LRRC37A: variants seen among roughly 807,000 people sequenced by gnomAD.
The protein encoded by LRRC37A is leucine-rich repeat-containing protein 37A.
Under a neutral mutation model 35.4 loss-of-function variants are expected in LRRC37A, and 3 were observed. The observed-to-expected ratio is 0.08, with a 90% CI of 0.04 to 0.22. The LOEUF is 0.22. Ranked by LOEUF, LRRC37A falls within the 10% of genes least tolerant of loss-of-function variation. The probability of loss-of-function intolerance (pLI) is 1.00; values close to 1 mark genes in which losing one functional copy is unlikely to be tolerated. For missense variants in LRRC37A, 67 were observed against 565.3 expected (o/e 0.12, Z 8.94); for synonymous variants, 23 against 215.0 (o/e 0.11, Z 7.81).
At chr17:46,265,973 T>G in the LRRC37A span, among the ~76,000 whole-genome samples, 1 of 152,326 alleles carries the variant, frequency 6.6e-6, no homozygotes, top group East Asian at 1.9e-4. Flanking sequence ...GGCGTATGCC[T>G]GTAATCCCAG....
the LRRC37A span, among the ~76,000 whole-genome samples, chr17:46,258,148 T>C: frequency 6.6e-6 from 1 of 152,108 alleles, no homozygotes; most frequent in Non-Finnish European, 1.5e-5. Flanking sequence ...AGTGAATGAC[T>C]AAAAAAGAGA....
At chr17:46,331,193 C>A (rs368493396) in exon 9 of LRRC37A, 15 of 731,772 alleles carry the variant, frequency 2.0e-5, no homozygotes, top group Middle Eastern at 6.0e-4. Flanking sequence ...AAAAAAATAC[C>A]GCTTTCACAA....
chr17:46,292,945 CTTTTTTTTTTTTTTT>C (rs57946759), upstream of LRRC37A: 1 of 8,642 alleles, frequency 1.2e-4, no homozygotes, highest in African/African-American at 1.7e-4. Context: ...CCATTTTTAT[CTTTTTTTTTTTTTTT>C]TTTTTTTTTT....
the LRRC37A span, among the ~76,000 whole-genome samples, chr17:46,272,732 C>G: frequency 6.6e-6 from 1 of 152,150 alleles, no homozygotes; most frequent in Non-Finnish European, 1.5e-5. Flanking sequence ...GTGTGTTTTT[C>G]AAAAATTACT....
chr17:46,281,355 C>T, the LRRC37A span, among the ~76,000 whole-genome samples: 18,249 of 145,980 alleles, frequency 0.13, 1,714 homozygotes, highest in Non-Finnish European at 0.19. Context: ...TTTAAAGTCC[C>T]GTGACTCGCA....
the LRRC37A span, among the ~76,000 whole-genome samples, chr17:46,258,983 G>T: frequency 7.0e-6 from 1 of 142,190 alleles, no homozygotes; most frequent in African/African-American, 2.7e-5. Flanking sequence ...CTCCCAAAGT[G>T]CTGGGATTAC....
At chr17:46,278,268 C>G in the LRRC37A span, among the ~76,000 whole-genome samples, 14,581 of 151,314 alleles carry the variant, frequency 0.096, 2 homozygotes, top group Middle Eastern at 0.15. Context: ...TTATACTGCT[C>G]TTTCTTGTTT....
the LRRC37A span, among the ~76,000 whole-genome samples, chr17:46,282,238 G>C: frequency 2.6e-5 from 4 of 152,122 alleles, no homozygotes. Flanking sequence ...GAGTAGCTGG[G>C]ACTACAGGCG....
the LRRC37A span, among the ~76,000 whole-genome samples, chr17:46,279,500 C>CTTTCT: frequency 8.2e-5 from 10 of 122,464 alleles, no homozygotes; most frequent in Admixed American, 1.7e-4. Context: ...TTCTTTCTTT[C>CTTTCT]TTTTTTTTTT....
At chr17:46,286,257 T>C in the LRRC37A span, among the ~76,000 whole-genome samples, 2 of 152,246 alleles carry the variant, frequency 1.3e-5, no homozygotes, top group African/African-American at 4.8e-5. Flanking sequence ...TTTAGTATTT[T>C]TGATGTTAAG....
At chr17:46,307,831 G>A in intron 5 of LRRC37A, among the ~76,000 whole-genome samples, 1 of 77,896 alleles carries the variant, frequency 1.3e-5, no homozygotes, top group African/African-American at 3.2e-5. Flanking sequence ...TGACCAACAT[G>A]GTGAAACCTG....
intron 5 of LRRC37A, among the ~76,000 whole-genome samples, chr17:46,315,992 T>C (rs2051082352): frequency 1.9e-5 from 1 of 52,976 alleles, no homozygotes; most frequent in Non-Finnish European, 5.1e-5. Flanking sequence ...GGCACAATCT[T>C]TACTCGCCGC....
At chr17:46,279,102 G>A in the LRRC37A span, among the ~76,000 whole-genome samples, 1 of 151,574 alleles carries the variant, frequency 6.6e-6, no homozygotes, top group African/African-American at 2.4e-5. Context: ...CTGGCCCAAT[G>A]TCATTATTTA....
At chr17:46,256,100 A>G in the LRRC37A span, among the ~76,000 whole-genome samples, 3 of 151,458 alleles carry the variant, frequency 2.0e-5, no homozygotes, top group African/African-American at 7.3e-5. Flanking sequence ...AGAAAAGACC[A>G]GGTGGTCTGG....
At chr17:46,263,854 CAAAA>C in the LRRC37A span, among the ~76,000 whole-genome samples, 1 of 96,252 alleles carries the variant, frequency 1.0e-5, no homozygotes. Context: ...GACTCTGTCT[CAAAA>C]AAAAAAAAAA....
the LRRC37A span, among the ~76,000 whole-genome samples, chr17:46,257,411 C>G: frequency 6.7e-6 from 1 of 148,280 alleles, no homozygotes; most frequent in African/African-American, 2.5e-5. Flanking sequence ...CAAGATCGTG[C>G]CACTGCACTC....
chr17:46,273,361 T>C, the LRRC37A span, among the ~76,000 whole-genome samples: 5 of 152,358 alleles, frequency 3.3e-5, no homozygotes, highest in South Asian at 1.0e-3. Context: ...ATTAGTCTCT[T>C]TAGTTTGTAA....
chr17:46,286,786 T>C, the LRRC37A span, among the ~76,000 whole-genome samples: 14 of 152,376 alleles, frequency 9.2e-5, no homozygotes, highest in African/African-American at 3.1e-4. Flanking sequence ...GATGCTCTTA[T>C]TAGAACTCAC....
In LRRC37A at chr17:46,306,136, T is replaced by C; in HGVS notation, c.2826-93T>C. ...TTAGTGCATAGAGAAAGGATTGAGG[T>C]TATGTTCCATCCTATATAAATTAGA... On this transcript the variant is annotated intron_variant, in intron 4 of 13. Transcript: ENST00000320254. 5 of 216,866 alleles carry C rather than the reference T, an allele frequency of 2.3e-5. 1 individual carries two copies. 13.4% of individuals were successfully genotyped at this position (216,866 alleles called of 1,614,324 possible).
Sources: allele counts gnomAD v4.1 joint callset (sites outside exome capture counted in the v4.1 genomes callset), GRCh38; gene constraint gnomAD v4.1.1; transcripts MANE v1.5; gene names NCBI Gene and HGNC (gene_info 2026-07-23, HGNC 2026-07-21).